CPNE5: variants seen among roughly 807,000 people sequenced by gnomAD.
CPNE5 encodes the protein copine-5.
Under a neutral mutation model 81.1 loss-of-function variants are expected in CPNE5, and 42 were observed. The observed-to-expected ratio is 0.52, with a 90% CI of 0.40 to 0.67. The LOEUF (loss-of-function observed/expected upper bound fraction) is 0.67, where lower values mean the gene tolerates loss of function less well. Ranked by LOEUF, CPNE5 falls within the 30% of genes least tolerant of loss-of-function variation. The pLI is 0.00. For synonymous variants in CPNE5, 313 were observed against 321.5 expected (o/e 0.97, Z 0.28); for missense variants, 612 against 815.5 (o/e 0.75, Z 3.04).
At chr6:36,781,080 G>A (rs946013972) in intron 8 of CPNE5, among the ~76,000 whole-genome samples, 1 of 152,198 alleles carries the variant, frequency 6.6e-6, no homozygotes, top group Non-Finnish European at 1.5e-5. Flanking sequence ...GCTTGCCTGG[G>A]CAGGGAGGGG....
At chr6:36,758,566 A>C (rs1413326986) in intron 12 of CPNE5, among the ~76,000 whole-genome samples, 1 of 152,102 alleles carries the variant, frequency 6.6e-6, no homozygotes, top group Non-Finnish European at 1.5e-5. Flanking sequence ...CTATTTTTCA[A>C]AATTACTACT....
chr6:36,792,134 A>G (rs1582903682), intron 7 of CPNE5, 38 bp from the exon 8 acceptor site: 1 of 1,594,186 alleles, frequency 6.3e-7, no homozygotes, highest in East Asian at 2.2e-5. Flanking sequence ...AAAGCCAGAC[A>G]AAGACAGAGC....
intron 14 of CPNE5, among the ~76,000 whole-genome samples, chr6:36,751,327 C>A (rs896958256): frequency 3.9e-5 from 6 of 152,226 alleles, no homozygotes; most frequent in African/African-American, 1.4e-4. Context: ...GCAAGTCAGG[C>A]AGGCTAGACT....
intron 3 of CPNE5, among the ~76,000 whole-genome samples, chr6:36,805,563 G>A (rs552236687): frequency 3.0e-4 from 45 of 152,374 alleles, no homozygotes; most frequent in South Asian, 2.5e-3. Flanking sequence ...TAGGGAAGGT[G>A]CGCAAGTGTG....
intron 8 of CPNE5, among the ~76,000 whole-genome samples, chr6:36,779,583 T>C (rs907608700): frequency 6.6e-6 from 1 of 152,206 alleles, no homozygotes; most frequent in African/African-American, 2.4e-5. Context: ...CTCAGGTAGA[T>C]ACAGTGGGGT....
At chr6:36,839,661 C>A, upstream of CPNE5, 1 of 284,174 alleles carries the variant, frequency 3.5e-6, no homozygotes, top group Non-Finnish European at 6.5e-6. This position sits in a 1 kb window ranked among gnomAD's most constrained non-coding sequence, Gnocchi z 7.3. Flanking sequence ...GCGGGGAAGG[C>A]AGAGAGGGGC....
intron 11 of CPNE5, among the ~76,000 whole-genome samples, chr6:36,764,049 A>AC (rs933978243): frequency 7.2e-5 from 11 of 151,976 alleles, no homozygotes; most frequent in South Asian, 2.1e-4. Flanking sequence ...CCAGCCGGAG[A>AC]CTGATGCCCA....
chr6:36,787,113 T>C (rs1768629654), intron 8 of CPNE5, among the ~76,000 whole-genome samples: 1 of 152,182 alleles, frequency 6.6e-6, no homozygotes, highest in African/African-American at 2.4e-5. Flanking sequence ...TCAACCTGCA[T>C]ACTTCCGAGT....
intron 3 of CPNE5, among the ~76,000 whole-genome samples, chr6:36,810,219 G>C (rs893672818): frequency 1.3e-5 from 2 of 152,086 alleles, no homozygotes; most frequent in Non-Finnish European, 2.9e-5. Flanking sequence ...ATTACAGCTG[G>C]ATTGAGCTTC....
At chr6:36,835,266 C>A (rs552861179) in intron 1 of CPNE5, among the ~76,000 whole-genome samples, 2 of 152,300 alleles carry the variant, frequency 1.3e-5, no homozygotes, top group Admixed American at 6.5e-5. Context: ...CAGATCCCTG[C>A]GTGGAGACCT....
At chr6:36,824,487 C>T (rs921787046) in intron 1 of CPNE5, among the ~76,000 whole-genome samples, 1 of 152,232 alleles carries the variant, frequency 6.6e-6, no homozygotes. Context: ...TTTTCCCAAC[C>T]ATCTCAGCCT....
chr6:36,789,097 G>A (rs1768863946), intron 8 of CPNE5, among the ~76,000 whole-genome samples: 2 of 152,238 alleles, frequency 1.3e-5, no homozygotes, highest in South Asian at 2.1e-4. Context: ...TCAGCCAGAT[G>A]CTGGGAATTA....
At position 36,839,385 on chromosome 6, in the gene CPNE5, C is replaced by T. The variant is rs183702303; in HGVS notation, c.-8G>A. ...GTCCTCAGGCTGCTCCATCGCCCACCGCACCCCCCACCCCAAATTAGTCAA... is the reference window on the plus strand; with the variant it reads ...GTCCTCAGGCTGCTCCATCGCCCACTGCACCCCCCACCCCAAATTAGTCAA... On this transcript the variant is annotated 5_prime_UTR_variant, in exon 1 of 21. Transcript: ENST00000244751. This position sits in a 1 kb window ranked among gnomAD's most constrained non-coding sequence, Gnocchi z 7.3. 8.2e-4 allele frequency: 1,263 copies of T among 1,540,778 alleles called. 9 individuals are homozygous for T. In the East Asian group the frequency reaches 0.014, roughly 17 times the overall value.
chr6:36,806,158 C>T (rs867325705), intron 3 of CPNE5, among the ~76,000 whole-genome samples: 2 of 152,126 alleles, frequency 1.3e-5, no homozygotes, highest in Non-Finnish European at 1.5e-5. Context: ...TTGGGGCTGG[C>T]GGTTGGGCCT....
intron 6 of CPNE5, among the ~76,000 whole-genome samples, chr6:36,795,440 A>C (rs1478058069): frequency 6.6e-6 from 1 of 152,090 alleles, no homozygotes; most frequent in Non-Finnish European, 1.5e-5. Context: ...TGGCCTCCCA[A>C]AGTGATTGGA....
chr6:36,826,734 G>C (rs1399594852), intron 1 of CPNE5, among the ~76,000 whole-genome samples: 3 of 152,198 alleles, frequency 2.0e-5, no homozygotes, highest in Non-Finnish European at 4.4e-5. Flanking sequence ...GGTGAGCGAA[G>C]CCCGTATCTC....
intron 3 of CPNE5, among the ~76,000 whole-genome samples, chr6:36,817,651 T>G (rs1405165584): frequency 6.6e-6 from 1 of 152,104 alleles, no homozygotes; most frequent in African/African-American, 2.4e-5. Context: ...ACCCAGCCTT[T>G]CCCCACACTG....
At chr6:36,806,524 T>G (rs1406862536) in intron 3 of CPNE5, among the ~76,000 whole-genome samples, 1 of 152,170 alleles carries the variant, frequency 6.6e-6, no homozygotes, top group South Asian at 2.1e-4. Context: ...TCCCTGCTGT[T>G]GCAAGCCCCC....
In CPNE5 at chr6:36,818,577, C is replaced by T. The variant is rs114713490; in HGVS notation, c.183+3537G>A. Among the ~76,000 whole-genome samples, 400 of 152,284 alleles carry T rather than the reference C, an allele frequency of 2.6e-3. 3 individuals are homozygous for T. The highest frequency in any genetic ancestry group is 9.2e-3 in the African/African-American group (382 of 41,550). Reference sequence around the variant, plus strand: ...ACCATGCACCAAGGCACTTTACTTCCGTCATCTCGTTTCACCCTCACCGCA... The same window carrying T: ...ACCATGCACCAAGGCACTTTACTTCTGTCATCTCGTTTCACCCTCACCGCA... On this transcript the variant is annotated intron_variant, in intron 3 of 20. Coordinates refer to ENST00000244751, the MANE Select transcript of CPNE5 (RefSeq NM_020939.2).
Sources: gnomAD v4.1 joint callset for allele counts (sites outside exome capture counted in the v4.1 genomes callset) on GRCh38, gnomAD v4.1.1 for gene constraint, Gnocchi (gnomAD v3.1) non-coding constraint, MANE v1.5 for transcripts, NCBI Gene and HGNC (gene_info 2026-07-23, HGNC 2026-07-21) for gene names.